The following ASF1A variants were observed in gnomAD, a reference collection of about 807,000 sequenced individuals.
ASF1A encodes histone chaperone ASF1A.
ASF1A carries 5 observed loss-of-function variants against 22.0 expected under a neutral mutation model. The ratio of observed to expected loss-of-function variants is 0.23; its 90% CI spans 0.12 to 0.48. ASF1A has a LOEUF of 0.48. Ranked by LOEUF, ASF1A falls within the 20% of genes least tolerant of loss-of-function variation. The probability of loss-of-function intolerance (pLI) is 0.99; values close to 1 mark genes in which losing one functional copy is unlikely to be tolerated. For missense variants in ASF1A, 137 were observed against 240.6 expected (o/e 0.57, Z 2.85); for synonymous variants, 97 against 86.7 (o/e 1.12, Z -0.66).
At chr6:118,905,268 A>C (rs1323860381) in intron 2 of ASF1A, among the ~76,000 whole-genome samples, 1 of 152,228 alleles carries the variant, frequency 6.6e-6, no homozygotes, top group Non-Finnish European at 1.5e-5. Context: ...GTCTATGAGG[A>C]GATCATTTAA....
chr6:118,905,871 A>G, intron 3 of ASF1A, 43 bp downstream of exon 3: 1 of 1,440,160 alleles, frequency 6.9e-7, no homozygotes, highest in South Asian at 1.4e-5. Context: ...TTACTATGCA[A>G]TTTTTAAAGC....
Position 118,894,319 on chromosome 6 carries a change from G to C in ASF1A, c.-95G>C. On this transcript the variant is annotated 5_prime_UTR_variant, in exon 1 of 4. Coordinates refer to ENST00000229595, the MANE Select transcript of ASF1A (RefSeq NM_014034.3). ...CGCTGCACGACGTCTGGCCGGCGCTGGAGCGGGGGTCTGCGCTCTCCCGAG... is the reference window on the plus strand; with the variant it reads ...CGCTGCACGACGTCTGGCCGGCGCTCGAGCGGGGGTCTGCGCTCTCCCGAG... 6.6e-7 allele frequency: 1 copy of C among 1,511,116 alleles called. No homozygotes were observed. Among genetic ancestry groups the C allele is most frequent in the Non-Finnish European group, 8.8e-7 (1 of 1,132,348 alleles). The allele number at this position is 1,511,116 out of a possible 1,614,324, so 93.6% of individuals were successfully genotyped here. A position where few individuals can be genotyped will look rare whatever the true frequency, so the allele number is the denominator to read the frequency against.
At chr6:118,902,537 T>TA (rs1258067597) in intron 2 of ASF1A, among the ~76,000 whole-genome samples, 2 of 151,446 alleles carry the variant, frequency 1.3e-5, no homozygotes, top group Non-Finnish European at 3.0e-5. Context: ...ACTTTTTTTT[T>TA]TTTTTTTTTG....
intron 2 of ASF1A, among the ~76,000 whole-genome samples, chr6:118,902,528 C>T (rs1466812133): frequency 7.6e-6 from 1 of 131,526 alleles, no homozygotes. Flanking sequence ...ACTGATAATA[C>T]TTTTTTTTTT....
rs1303782093 is a variant in ASF1A at position 118,907,522 on chromosome 6, T to C, written c.523T>C (p.Ser175Pro). 1 of 1,613,670 alleles carries C rather than the reference T, an allele frequency of 6.2e-7. No individual in the cohort carries two copies. The highest frequency in any genetic ancestry group is 1.1e-5 in the South Asian group (1 of 91,070). Residue 175 changes from serine to proline, a missense_variant, in exon 4 of 4, where the codon TCA (serine) becomes CCA (proline). Physicochemically the swap from Ser to Pro is moderately conservative, Grantham distance 74. This residue lies in a region of ASF1A where 41 missense variants were observed against 43.9 expected (regional missense o/e 0.93). Transcript: ENST00000229595. ...SSNPNLQSLL[S>P]TDALPSASKG... The stretch of plus-strand genomic sequence containing the variant: ...TAATCCAAATCTACAGTCACTTCTT[T>C]CAACAGATGCATTACCTTCAGCATC...
intron 2 of ASF1A, among the ~76,000 whole-genome samples, chr6:118,903,920 T>C (rs2114538711): frequency 6.6e-6 from 1 of 152,296 alleles, no homozygotes; most frequent in African/African-American, 2.4e-5. Flanking sequence ...TTAAAGAACC[T>C]GTGTGATTCA....
At chr6:118,900,202 C>T (rs534451915) in intron 1 of ASF1A, among the ~76,000 whole-genome samples, 2 of 152,210 alleles carry the variant, frequency 1.3e-5, no homozygotes, top group East Asian at 3.9e-4. Flanking sequence ...TACCATTGTT[C>T]GTTGACAGTT....
intron 1 of ASF1A, among the ~76,000 whole-genome samples, chr6:118,898,496 C>T (rs1562429227): frequency 2.0e-5 from 3 of 150,394 alleles, no homozygotes; most frequent in Non-Finnish European, 4.4e-5. Context: ...GCGATCTCGG[C>T]TCACTGCAAC....
intron 1 of ASF1A, among the ~76,000 whole-genome samples, chr6:118,898,313 T>C (rs559833392): frequency 2.5e-4 from 38 of 152,348 alleles, no homozygotes; most frequent in South Asian, 2.5e-3. Context: ...ATTATGGCTA[T>C]GTTCCTATGC....
chr6:118,900,899 A>G lies in ASF1A; in HGVS notation c.225+18A>G. 2.0e-6 allele frequency: 3 copies of G among 1,491,810 alleles called. No homozygotes were observed. Among genetic ancestry groups the G allele is most frequent in the Non-Finnish European group, 2.8e-6 (3 of 1,068,194 alleles). 92.4% of individuals were successfully genotyped at this position (1,491,810 alleles called of 1,614,324 possible). ...TATTTCAGGTAAGATTAATCTTGGTAAATGTGTATGCCAAATATGTTTCGA... is the reference window on the plus strand; with the variant it reads ...TATTTCAGGTAAGATTAATCTTGGTGAATGTGTATGCCAAATATGTTTCGA... On this transcript the variant is annotated intron_variant, in intron 2 of 3. Coordinates refer to ENST00000229595, the MANE Select transcript of ASF1A (RefSeq NM_014034.3).
At chr6:118,898,417 A>G (rs914639480) in intron 1 of ASF1A, among the ~76,000 whole-genome samples, 1 of 150,006 alleles carries the variant, frequency 6.7e-6, no homozygotes, top group African/African-American at 2.5e-5. Flanking sequence ...GAAAACCTTT[A>G]TGTAATAATT....
At chr6:118,897,944 G>A (rs1779545280) in intron 1 of ASF1A, among the ~76,000 whole-genome samples, 1 of 152,174 alleles carries the variant, frequency 6.6e-6, no homozygotes, top group African/African-American at 2.4e-5. Flanking sequence ...AGTGTTCCCT[G>A]AGTTGCAGCC....
At chr6:118,904,243 A>G (rs1780009460) in intron 2 of ASF1A, among the ~76,000 whole-genome samples, 2 of 152,202 alleles carry the variant, frequency 1.3e-5, no homozygotes, top group Non-Finnish European at 2.9e-5. Context: ...GAGACTGACT[A>G]GATGTAGGAG....
At chr6:118,901,710 G>A (rs1779807946) in intron 2 of ASF1A, among the ~76,000 whole-genome samples, 1 of 152,200 alleles carries the variant, frequency 6.6e-6, no homozygotes, top group Non-Finnish European at 1.5e-5. Context: ...AGACCAAAGA[G>A]TAACTAGCCA....
chr6:118,900,921 T>A (rs777531216), intron 2 of ASF1A, 40 bp downstream of exon 2: 1 of 1,354,922 alleles, frequency 7.4e-7, no homozygotes, highest in South Asian at 1.2e-5. Context: ...CAAATATGTT[T>A]CGAAGTAGAC....
chr6:118,894,875 A>G (rs1024088130), intron 1 of ASF1A, among the ~76,000 whole-genome samples: 1 of 151,340 alleles, frequency 6.6e-6, no homozygotes, highest in African/African-American at 2.4e-5. Context: ...AGCCTCCGCG[A>G]CCCTCCGGGC....
At chr6:118,894,646 A>C (rs1329017212) in intron 1 of ASF1A, 124 bp downstream of exon 1, 1 of 832,824 alleles carries the variant, frequency 1.2e-6, no homozygotes, top group East Asian at 2.7e-5. Flanking sequence ...TGCTCTGCGG[A>C]GGGAAACTTG....
In ASF1A at chr6:118,900,785, C is replaced by A. The variant is rs1361826463; in HGVS notation, c.129C>A (p.Ile43=). ...DLSEDLEWKI[I]YVGSAESEEY... ...CCCTAGACTTGGAATGGAAAATTAT[C>A]TATGTGGGCTCTGCAGAAAGTGAAG... The change falls in exon 2 of 4, where the codon ATC becomes ATA. Residue 43 remains isoleucine (I), a synonymous_variant. Coordinates refer to ENST00000229595, the MANE Select transcript of ASF1A (RefSeq NM_014034.3). 1.9e-6 allele frequency: 3 copies of A among 1,613,022 alleles called. No homozygotes were observed. The South Asian group carries it at 3.3e-5, about 18-fold the overall frequency.
rs1271339737 is a variant in ASF1A, at chr6:118,894,452, T to A, written c.39T>A (p.Asp13Glu). ...AGGTGAACAATGTAGTGGTGCTGGA[T>A]AACCCTTCTCCTTTCTACAACCCGT... ...KVQVNNVVVL[D>E]NPSPFYNPFQ... is the part of the protein sequence containing the mutation. Residue 13 changes from aspartate to glutamate, a missense_variant, in exon 1 of 4, where the codon GAT becomes GAA. Asp to Glu is a conservative substitution (Grantham distance 45). This residue lies in a region of ASF1A where 96 missense variants were observed against 196.7 expected (regional missense o/e 0.49). Coordinates refer to ENST00000229595, the MANE Select transcript of ASF1A (RefSeq NM_014034.3). The A allele has an allele frequency of 2.0e-6, 3 of 1,537,174 alleles. No homozygotes were observed. The highest frequency in any genetic ancestry group is 1.4e-5 in the African/African-American group (1 of 73,166).
Sources: allele counts gnomAD v4.1 joint callset (sites outside exome capture counted in the v4.1 genomes callset), GRCh38; gene constraint gnomAD v4.1.1; regional missense constraint gnomAD v4.1.1; transcripts MANE v1.5; gene names NCBI Gene and HGNC (gene_info 2026-07-23, HGNC 2026-07-21).